Variants in PTPRS observed in about 807,000 individuals in gnomAD.
PTPRS encodes protein tyrosine phosphatase receptor type S.
In PTPRS, 63 loss-of-function variants were observed where a neutral mutation model predicts 215.3. The observed-to-expected ratio is 0.29, with a 90% CI of 0.24 to 0.36. PTPRS has a LOEUF of 0.36. Ranked by LOEUF, PTPRS falls within the 10% of genes least tolerant of loss-of-function variation. The pLI is 1.00. For synonymous variants in PTPRS, 1,404 were observed against 1,191.4 expected, an observed-to-expected ratio of 1.18 and a Z score of -3.68; for missense variants, 2,258 against 2,825.8, an observed-to-expected ratio of 0.80 and a Z score of 4.56.
At chr19:5,250,303 T>C (rs895122335) in intron 9 of PTPRS, among the ~76,000 whole-genome samples, 2 of 152,122 alleles carry the variant, frequency 1.3e-5, no homozygotes, top group African/African-American at 2.4e-5. Context: ...CCTGGCGGCC[T>C]TGTAAGGCCT....
At chr19:5,334,628 C>A (rs1007080064) in intron 1 of PTPRS, among the ~76,000 whole-genome samples, 1 of 152,146 alleles carries the variant, frequency 6.6e-6, no homozygotes, top group Non-Finnish European at 1.5e-5. Flanking sequence ...TGTGTGTGTG[C>A]GGGGGGTGTC....
At chr19:5,219,062 AC>A (rs2041748624) in intron 23 of PTPRS, 1 of 642,140 alleles carries the variant, frequency 1.6e-6, no homozygotes, top group Admixed American at 3.0e-5. Context: ...GGCAGCCTCT[AC>A]CCCAAATCTT....
At chr19:5,228,348 A>G (rs1310746578) in intron 16 of PTPRS, among the ~76,000 whole-genome samples, 1 of 14,556 alleles carries the variant, frequency 6.9e-5, no homozygotes, top group African/African-American at 1.3e-4. Context: ...CCGTCTGGAG[A>G]AAAAAAAAAA....
chr19:5,206,877 C>A, intron 37 of PTPRS, 35 bp from the exon 38 acceptor site: 1 of 1,596,244 alleles, frequency 6.3e-7, no homozygotes, highest in Non-Finnish European at 8.6e-7. Context: ...AGTACCTCCG[C>A]TGCTCTAACG....
chr19:5,208,168 T>A, intron 36 of PTPRS, 69 bp downstream of exon 36: 1 of 1,561,810 alleles, frequency 6.4e-7, no homozygotes, highest in Non-Finnish European at 8.7e-7. Context: ...AGCCTAAGCT[T>A]GGGGCTGTCC....
In PTPRS at chr19:5,279,496, T is replaced by A. The variant is rs79257219; in HGVS notation, c.92-5152A>T. ...CAGGGATCCTCTGGCCTCAGTCTCC[T>A]GAGTAATTGGAACCACAGGCGCTTG... On this transcript the variant is annotated intron_variant, in intron 2 of 37. Transcript: ENST00000262963. Among the ~76,000 whole-genome samples, 134 of 151,790 alleles carry A rather than the reference T, an allele frequency of 8.8e-4. 1 individual carries two copies. The highest frequency in any genetic ancestry group is 3.1e-3 in the African/African-American group (127 of 41,398).
rs566973153 is a variant in PTPRS at position 5,225,007 on chromosome 19, C to T, written c.2494+720G>A. On this transcript the variant is annotated intron_variant, in intron 17 of 37. Transcript: ENST00000262963. ...GTTCCGCCCACCACCACCACCACCA[C>T]GCCCCACCCCCCAAGTCTTTTTCTG... Among the ~76,000 whole-genome samples, 11 of 152,126 alleles carry T rather than the reference C, an allele frequency of 7.2e-5. No homozygotes were observed. The East Asian group carries it at 1.5e-3, about 21-fold the overall frequency.
intron 28 of PTPRS, 134 bp from the exon 29 acceptor site, chr19:5,214,870 TCA>T (rs1403727795): frequency 6.3e-6 from 6 of 945,072 alleles, no homozygotes; most frequent in African/African-American, 5.0e-5. Flanking sequence ...GACGTGTACT[TCA>T]CAGTTTCTCC....
chr19:5,206,654 C>A lies in PTPRS; in HGVS notation c.*120G>T. ...CGTCCTCGGAAATGGTGCAGAAACA[C>A]AGCTGCTGCCGCTGCCACCTCCTGC... On this transcript the variant is annotated 3_prime_UTR_variant, in exon 38 of 38. Transcript: ENST00000262963. 1.2e-6 allele frequency: 1 copy of A among 837,798 alleles called. No homozygotes were observed. Among genetic ancestry groups the A allele is most frequent in the South Asian group, 1.6e-5 (1 of 64,156 alleles). The allele number at this position is 837,798 out of a possible 1,614,324, so 51.9% of individuals were successfully genotyped here.
At chr19:5,214,890 C>T (rs189301866) in intron 28 of PTPRS, among the ~76,000 whole-genome samples, 154 bp from the exon 29 acceptor site, 48 of 152,390 alleles carry the variant, frequency 3.1e-4, no homozygotes, top group South Asian at 1.0e-3. Context: ...TCCCCCTCAG[C>T]GCCATCACCA....
At chr19:5,254,352 C>T (rs184456089) in intron 9 of PTPRS, among the ~76,000 whole-genome samples, 1 of 152,114 alleles carries the variant, frequency 6.6e-6, no homozygotes, top group Admixed American at 6.5e-5. Context: ...GGCTTCTGTC[C>T]TCAACATCGT....
At chr19:5,300,767 C>CAAAAAAA (rs59799136) in intron 1 of PTPRS, among the ~76,000 whole-genome samples, 8 of 97,740 alleles carry the variant, frequency 8.2e-5, no homozygotes, top group South Asian at 4.0e-4. Flanking sequence ...GACTCCGTCT[C>CAAAAAAA]AAAAAAAAAA....
chr19:5,247,090 AG>A (rs943819959), intron 9 of PTPRS, among the ~76,000 whole-genome samples: 1 of 151,526 alleles, frequency 6.6e-6, no homozygotes, highest in African/African-American at 2.4e-5. Flanking sequence ...GAAAGAAAGA[AG>A]GGGGGGCCCA....
intron 4 of PTPRS, among the ~76,000 whole-genome samples, chr19:5,268,966 G>T (rs1394451802): frequency 2.0e-5 from 3 of 152,194 alleles, no homozygotes; most frequent in Admixed American, 2.0e-4. Flanking sequence ...CCTGGGCCAG[G>T]GACCTGGACG....
Position 5,282,951 on chromosome 19 carries a change from G to A in PTPRS, c.91+3099C>T, listed in dbSNP as rs560941111. Among the ~76,000 whole-genome samples, 14 of 152,298 alleles carry A rather than the reference G, an allele frequency of 9.2e-5. No homozygotes were observed. In the South Asian group the frequency reaches 2.1e-3, roughly 23 times the overall value. On this transcript the variant is annotated intron_variant, in intron 2 of 37. Transcript: ENST00000262963. ...GGGGTCTTTATTGACCACAAGTACCGTGGATGTCCCTGTCTCTTAGATGAA... is the reference window on the plus strand; with the variant it reads ...GGGGTCTTTATTGACCACAAGTACCATGGATGTCCCTGTCTCTTAGATGAA...
At chr19:5,266,185 G>C (rs1358386317) in intron 4 of PTPRS, among the ~76,000 whole-genome samples, 2 of 151,998 alleles carry the variant, frequency 1.3e-5, no homozygotes, top group African/African-American at 4.8e-5. Flanking sequence ...CTTGAACCCG[G>C]GAGACGGAGG....
intron 9 of PTPRS, among the ~76,000 whole-genome samples, chr19:5,250,338 G>C (rs2044884831): frequency 6.6e-6 from 1 of 152,222 alleles, no homozygotes; most frequent in African/African-American, 2.4e-5. Flanking sequence ...AGCTGGCAAG[G>C]GCGGGTGACT....
At chr19:5,274,433 G>T in intron 2 of PTPRS, 89 bp from the exon 3 acceptor site, 2 of 1,414,224 alleles carry the variant, frequency 1.4e-6, no homozygotes, top group Non-Finnish European at 1.9e-6. Flanking sequence ...TGCATTCCAT[G>T]CCCTGCCCAC....
intron 4 of PTPRS, among the ~76,000 whole-genome samples, chr19:5,271,493 G>A (rs987855093): frequency 6.6e-6 from 1 of 151,428 alleles, no homozygotes; most frequent in Admixed American, 6.6e-5. Context: ...CACCTCCCAG[G>A]TTCAAACGAT....
Sources: gnomAD v4.1 joint callset for allele counts (sites outside exome capture counted in the v4.1 genomes callset) on GRCh38, gnomAD v4.1.1 for gene constraint, MANE v1.5 for transcripts, NCBI Gene and HGNC (gene_info 2026-07-23, HGNC 2026-07-21) for gene names.